The following NEK1 variants were observed in gnomAD, a reference collection of about 807,000 sequenced individuals.
The protein encoded by NEK1 is serine/threonine-protein kinase Nek1.
Under a neutral mutation model 182.1 loss-of-function variants are expected in NEK1, and 137 were observed. The ratio of observed to expected loss-of-function variants is 0.75; its 90% confidence interval spans 0.65 to 0.87. The LOEUF (loss-of-function observed/expected upper bound fraction) is 0.87, where lower values mean the gene tolerates loss of function less well. Ranked by LOEUF, NEK1 falls within the 40% of genes least tolerant of loss-of-function variation. The pLI is 0.00. For synonymous variants in NEK1, 513 were observed against 492.2 expected (o/e 1.04, Z -0.56); for missense variants, 1,391 against 1,494.4 (o/e 0.93, Z 1.14).
At chr4:169,426,786 G>C (rs887764139) in intron 29 of NEK1, among the ~76,000 whole-genome samples, 1 of 152,144 alleles carries the variant, frequency 6.6e-6, no homozygotes, top group African/African-American at 2.4e-5. Flanking sequence ...AAGATATACT[G>C]TTAAGTAAAC....
At chr4:169,460,252 C>T (rs1034748066) in intron 27 of NEK1, among the ~76,000 whole-genome samples, 7 of 151,758 alleles carry the variant, frequency 4.6e-5, no homozygotes, top group Non-Finnish European at 1.0e-4. Context: ...CAACTGAACT[C>T]ACAGTTCCAC....
intron 27 of NEK1, among the ~76,000 whole-genome samples, chr4:169,457,904 G>GA (rs1401783830): frequency 6.6e-6 from 1 of 151,920 alleles, no homozygotes; most frequent in Non-Finnish European, 1.5e-5. Flanking sequence ...CAAAACTGAT[G>GA]AAAAAATTAA....
At position 169,577,080 on chromosome 4, in the gene NEK1, C is replaced by A. The variant is rs794727032; in HGVS notation, c.869-1G>T. ...TTTTGTCCTGAAGCTGGTCTTTTAG[C>A]TAGATGAAAAGATACAAAGAATTTT... On this transcript the variant is annotated splice_acceptor_variant, in intron 11 of 35. Transcript: ENST00000507142. LOFTEE classifies it high-confidence loss of function. 20 of 1,613,190 alleles carry A rather than the reference C, an allele frequency of 1.2e-5. No individual in the cohort carries two copies. The highest frequency in any genetic ancestry group is 1.7e-5 in the Non-Finnish European group (20 of 1,179,632).
chr4:169,410,114 A>G (rs766157401), intron 31 of NEK1, among the ~76,000 whole-genome samples: 2 of 152,150 alleles, frequency 1.3e-5, no homozygotes, highest in Non-Finnish European at 2.9e-5. Context: ...AATATTCTAT[A>G]GTTTTAATAT....
chr4:169,440,893 C>T (rs1739321915), intron 27 of NEK1, among the ~76,000 whole-genome samples: 1 of 152,196 alleles, frequency 6.6e-6, no homozygotes, highest in Non-Finnish European at 1.5e-5. Flanking sequence ...GAGACCCAAG[C>T]AGCTGCAACA....
rs963485317 is a variant in NEK1 at position 169,588,830 on chromosome 4, C to T, written c.465-95G>A. 8 of 755,084 alleles carry T rather than the reference C, an allele frequency of 1.1e-5. No individual in the cohort carries two copies. The African/African-American group carries it at 1.2e-4, about 12-fold the overall frequency. 46.8% of individuals were successfully genotyped at this position (755,084 alleles called of 1,614,324 possible). A position where few individuals can be genotyped will look rare whatever the true frequency, so the allele number is the denominator to read the frequency against. ...TCTACAGCAGATCGCATATATGATG[C>T]TGGTCCCATAAGATTATAATGACAC... On this transcript the variant is annotated intron_variant, in intron 7 of 35. Coordinates refer to ENST00000507142, the MANE Select transcript of NEK1 (RefSeq NM_001199397.3).
At chr4:169,542,348 C>T (rs1759590189) in intron 18 of NEK1, among the ~76,000 whole-genome samples, 1 of 152,142 alleles carries the variant, frequency 6.6e-6, no homozygotes, top group African/African-American at 2.4e-5. Flanking sequence ...TTTTTTATGG[C>T]TGCATAGTAT....
intron 19 of NEK1, among the ~76,000 whole-genome samples, chr4:169,532,633 A>G (rs1005946363): frequency 6.6e-6 from 1 of 152,132 alleles, no homozygotes; most frequent in Admixed American, 6.5e-5. Flanking sequence ...TAAAACTGCT[A>G]TAAAAAATAA....
At chr4:169,550,287 G>C (rs1761225748) in intron 18 of NEK1, among the ~76,000 whole-genome samples, 1 of 152,156 alleles carries the variant, frequency 6.6e-6, no homozygotes, top group Non-Finnish European at 1.5e-5. Context: ...CCATGATTGT[G>C]AGGCCTACCC....
intron 22 of NEK1, 73 bp from the exon 23 acceptor site, chr4:169,507,205 C>T (rs1327772375): frequency 2.7e-6 from 2 of 753,852 alleles, no homozygotes; most frequent in Non-Finnish European, 3.9e-6. Context: ...TTTTTTGGGC[C>T]AGGTCTATGA....
chr4:169,473,187 G>A (rs1190227941), intron 26 of NEK1, among the ~76,000 whole-genome samples: 2 of 150,686 alleles, frequency 1.3e-5, no homozygotes, highest in Admixed American at 6.6e-5. Flanking sequence ...GATCATTTGA[G>A]CCCAGAAATT....
chr4:169,560,786 T>C (rs1264333009), intron 16 of NEK1, among the ~76,000 whole-genome samples: 3 of 134,014 alleles, frequency 2.2e-5, no homozygotes, highest in African/African-American at 5.2e-5. Flanking sequence ...GAAAAAAAAC[T>C]TTTTTTTTTT....
chr4:169,541,347 G>A (rs1010671712), intron 18 of NEK1, among the ~76,000 whole-genome samples: 16 of 152,142 alleles, frequency 1.1e-4, no homozygotes, highest in African/African-American at 3.4e-4. Context: ...TTATTAAAAA[G>A]TGGCTTCAGC....
intron 2 of NEK1, among the ~76,000 whole-genome samples, chr4:169,605,605 A>G (rs7666649): frequency 0.071 from 10,862 of 152,234 alleles, 1,275 homozygotes; most frequent in African/African-American, 0.25. Flanking sequence ...ATAGAAAACA[A>G]TAACAAATTG....
intron 11 of NEK1, among the ~76,000 whole-genome samples, chr4:169,579,887 T>G (rs1766327330): frequency 6.6e-6 from 1 of 152,228 alleles, no homozygotes; most frequent in Non-Finnish European, 1.5e-5. Flanking sequence ...GATACATATT[T>G]TTATTAATTT....
intron 23 of NEK1, among the ~76,000 whole-genome samples, chr4:169,486,404 A>AGTCTGCCTACTCTTGAT (rs1321073763): frequency 2.6e-5 from 4 of 152,212 alleles, no homozygotes; most frequent in Admixed American, 6.5e-5. Flanking sequence ...TGAAACCACC[A>AGTCTGCCTACTCTTGAT]GTCTGCCTAC....
chr4:169,505,323 ACTC>A (rs1389901693), intron 23 of NEK1, among the ~76,000 whole-genome samples: 17 of 151,578 alleles, frequency 1.1e-4, no homozygotes, highest in Non-Finnish European at 2.5e-4. Flanking sequence ...CAACCCTCTT[ACTC>A]CTCCTTCCTC....
chr4:169,512,223 T>G (rs143153937), intron 19 of NEK1, among the ~76,000 whole-genome samples: 114 of 152,280 alleles, frequency 7.5e-4, no homozygotes, highest in Admixed American at 1.6e-3. Context: ...TGTATCATTT[T>G]ACATTCCAAA....
In NEK1 at chr4:169,599,101, T is replaced by G; in HGVS notation, c.311A>C (p.Gln104Pro). Residue 104 changes from glutamine to proline, a missense_variant and splice_region_variant, in exon 5 of 36, where the codon CAG becomes CCG. Physicochemically the swap from Gln to Pro is moderately conservative, Grantham distance 76 (BLOSUM62 -1). Transcript: ENST00000507142. ...AQKGVLFQEDQILDWFVQICL... is the reference protein window; with the variant it reads ...AQKGVLFQEDPILDWFVQICL... Reference sequence around the variant, plus strand: ...TCAATTTCCTAAATGCAAACTTACCTGATCCTCTTGAAACAAAACGCCTTT... The same window carrying G: ...TCAATTTCCTAAATGCAAACTTACCGGATCCTCTTGAAACAAAACGCCTTT... 1 of 1,611,772 alleles carries G rather than the reference T, an allele frequency of 6.2e-7. No individual in the cohort carries two copies. Among genetic ancestry groups the G allele is most frequent in the Non-Finnish European group, 8.5e-7 (1 of 1,178,508 alleles).
Sources: gnomAD v4.1 joint callset for allele counts (sites outside exome capture counted in the v4.1 genomes callset) on GRCh38, gnomAD v4.1.1 for gene constraint, MANE v1.5 for transcripts, NCBI Gene and HGNC (gene_info 2026-07-23, HGNC 2026-07-21) for gene names.